The following DPP6 variants were observed in gnomAD, a reference collection of about 807,000 sequenced individuals.
DPP6 encodes A-type potassium channel modulatory protein DPP6.
DPP6 carries 69 observed loss-of-function variants against 122.6 expected under a neutral mutation model. That is an observed-to-expected ratio of 0.56 (90% CI 0.46 to 0.69). The LOEUF (loss-of-function observed/expected upper bound fraction) is 0.69. Among genes scored for constraint, DPP6 ranks in the 30% least tolerant of loss-of-function variants. DPP6 has a pLI of 0.00. For missense variants in DPP6, 928 were observed against 1,116.9 expected (o/e 0.83, Z 2.41); for synonymous variants, 418 against 433.1 (o/e 0.97, Z 0.43).
At chr7:154,868,645 T>C (rs1804102362) in intron 18 of DPP6, among the ~76,000 whole-genome samples, 1 of 152,172 alleles carries the variant, frequency 6.6e-6, no homozygotes, top group African/African-American at 2.4e-5. Flanking sequence ...GTGCTAGGCG[T>C]TGCTAAGCAC....
Position 154,759,043 on chromosome 7 carries a change from TG to T in DPP6, c.884-10369del, listed in dbSNP as rs1471619065. Among the ~76,000 whole-genome samples, 12 of 152,310 alleles carry T rather than the reference TG, an allele frequency of 7.9e-5. No homozygotes were observed. In the South Asian group the frequency reaches 2.1e-3, roughly 26 times the overall value. The stretch of plus-strand genomic sequence containing the variant: ...TGAGGGGCCTAGAGTCTATGAAATT[TG>T]GGGGATCCTCTTTAGAAAAAGGACA... On this transcript the variant is annotated intron_variant, in intron 8 of 25. Coordinates refer to ENST00000377770, the MANE Select transcript of DPP6 (RefSeq NM_130797.4).
intron 1 of DPP6, among the ~76,000 whole-genome samples, chr7:154,410,307 G>A (rs1016012063): frequency 2.6e-5 from 4 of 152,208 alleles, no homozygotes; most frequent in African/African-American, 9.6e-5. Context: ...GGCGAGATTA[G>A]TGGATTCTGG....
intron 8 of DPP6, among the ~76,000 whole-genome samples, chr7:154,749,225 CAGGA>C (rs1563166613): frequency 2.4e-3 from 159 of 67,034 alleles, no homozygotes; most frequent in African/African-American, 2.8e-3. Context: ...GAGCATAGGA[CAGGA>C]GGGAGAGGGA....
At chr7:154,440,664 A>G (rs2151277740) in intron 1 of DPP6, among the ~76,000 whole-genome samples, 1 of 152,288 alleles carries the variant, frequency 6.6e-6, no homozygotes, top group South Asian at 2.1e-4. Context: ...TTCTAGTCTT[A>G]ATATACTTCT....
chr7:153,954,044 C>T (rs1307936751), intron 1 of DPP6, among the ~76,000 whole-genome samples: 1 of 152,184 alleles, frequency 6.6e-6, no homozygotes, highest in East Asian at 1.9e-4. Context: ...GAGTCAATCT[C>T]CTTCACGTAA....
At chr7:153,810,660 CCTCTCTCTCTCCTCTCTCTCTCTCTCT>C in the DPP6 span, among the ~76,000 whole-genome samples, 1 of 65,008 alleles carries the variant, frequency 1.5e-5, no homozygotes, top group Non-Finnish European at 3.7e-5. Context: ...CGCTCCCTCT[CCTCTCTCTCTCCTCTCTCTCTCTCTCT>C]CTCTCTCTCT....
intron 1 of DPP6, among the ~76,000 whole-genome samples, chr7:154,400,862 T>C (rs535177207): frequency 6.6e-6 from 1 of 152,346 alleles, no homozygotes; most frequent in Admixed American, 6.5e-5. Context: ...CCTAAAGATA[T>C]TTATTTAGCA....
upstream of DPP6, among the ~76,000 whole-genome samples, chr7:153,882,693 C>T (rs1051499444): frequency 2.0e-5 from 3 of 151,778 alleles, no homozygotes; most frequent in Non-Finnish European, 4.4e-5. Flanking sequence ...CAGAATTAAA[C>T]ACATGCCAGG....
intron 1 of DPP6, among the ~76,000 whole-genome samples, chr7:154,002,078 T>C (rs1365772301): frequency 6.6e-6 from 1 of 152,242 alleles, no homozygotes; most frequent in Non-Finnish European, 1.5e-5. Context: ...TTTTTGTATA[T>C]TCCTGAGTTC....
rs998504007 is a variant in DPP6 at position 154,760,820 on chromosome 7, C to A, written c.884-8597C>A. On this transcript the variant is annotated intron_variant, in intron 8 of 25. Transcript: ENST00000377770. This position sits in a 1 kb window ranked among gnomAD's most constrained non-coding sequence, Gnocchi z 4.5. The stretch of plus-strand genomic sequence containing the variant: ...AAAGGAGCCTGGCATACTGGCTCAG[C>A]CTTCCTCTTTCAAAACTTTTGTTTT... Among the ~76,000 whole-genome samples the A allele has an allele frequency of 2.0e-5, 3 of 147,062 alleles. No homozygotes were observed. Among genetic ancestry groups the A allele is most frequent in the Admixed American group, 7.0e-5 (1 of 14,336 alleles).
At chr7:154,676,398 C>CG (rs566594658) in intron 7 of DPP6, among the ~76,000 whole-genome samples, 8 of 107,726 alleles carry the variant, frequency 7.4e-5, no homozygotes, top group South Asian at 3.0e-4. Flanking sequence ...ACAGGTGTTC[C>CG]GGCTACAGCC....
chr7:153,825,902 G>A, the DPP6 span, among the ~76,000 whole-genome samples: 134,333 of 152,194 alleles, frequency 0.88, 59,437 homozygotes, highest in African/African-American at 0.93. Flanking sequence ...CTTACTGTCA[G>A]GTTCATAGGA....
chr7:154,202,743 T>G (rs116669671), intron 1 of DPP6, among the ~76,000 whole-genome samples: 4,816 of 152,210 alleles, frequency 0.032, 261 homozygotes, highest in African/African-American at 0.11. Flanking sequence ...CTTCTTCCAC[T>G]CACAACAGGG....
chr7:153,767,387 T>C, the DPP6 span, among the ~76,000 whole-genome samples: 20 of 152,248 alleles, frequency 1.3e-4, no homozygotes, highest in East Asian at 1.7e-3. Flanking sequence ...GTTGTTGTTG[T>C]TGTTGGATTC....
At chr7:154,072,721 T>C (rs1803209909) in intron 1 of DPP6, among the ~76,000 whole-genome samples, 2 of 152,200 alleles carry the variant, frequency 1.3e-5, no homozygotes, top group South Asian at 4.1e-4. Context: ...AAAAATAGCC[T>C]GGAACCTGTG....
chr7:154,471,093 A>G lies in DPP6; in HGVS notation c.359-3846A>G, dbSNP rs937088755. Among the ~76,000 whole-genome samples, 5 of 152,092 alleles carry G rather than the reference A, an allele frequency of 3.3e-5. No individual in the cohort carries two copies. In the East Asian group the frequency reaches 7.7e-4, roughly 24 times the overall value. ...TAGTGAAACCCTGTCTCTACTAGAA[A>G]TACAAAAATTAGCCGGGCTCGGTGG... is the stretch of plus-strand genomic sequence containing the variant. On this transcript the variant is annotated intron_variant, in intron 2 of 25. Transcript: ENST00000377770.
intron 6 of DPP6, among the ~76,000 whole-genome samples, chr7:154,653,789 T>C (rs1235521623): frequency 6.6e-6 from 1 of 152,186 alleles, no homozygotes; most frequent in Admixed American, 6.5e-5. Flanking sequence ...CCCCGTCATG[T>C]CTTCATTTCA....
intron 1 of DPP6, among the ~76,000 whole-genome samples, chr7:154,386,876 A>G (rs1814158392): frequency 6.6e-6 from 1 of 152,172 alleles, no homozygotes; most frequent in African/African-American, 2.4e-5. Flanking sequence ...TGGAAATAAA[A>G]GTGCATGGAG....
rs539592691 is a variant in DPP6 at position 153,977,550 on chromosome 7, T to G, written c.51+89816T>G. On this transcript the variant is annotated intron_variant, in intron 1 of 25. Transcript: ENST00000404039. The stretch of plus-strand genomic sequence containing the variant: ...AGGCCCCAGCCTCATTCTTTCTTTT[T>G]GTCCTGATTTTACTTTTTTTATTAT... 4.0e-3 allele frequency among the ~76,000 whole-genome samples: 612 copies of G among 152,318 alleles called. 3 individuals are homozygous for G. Among genetic ancestry groups the G allele is most frequent in the African/African-American group, 0.014 (575 of 41,576 alleles).
Sources: gnomAD v4.1 joint callset for allele counts (sites outside exome capture counted in the v4.1 genomes callset) on GRCh38, gnomAD v4.1.1 for gene constraint, Gnocchi (gnomAD v3.1) non-coding constraint, MANE v1.5 for transcripts, NCBI Gene and HGNC (gene_info 2026-07-23, HGNC 2026-07-21) for gene names.